NRF1: variants seen among roughly 807,000 people sequenced by gnomAD.
The protein encoded by NRF1 is alpha palindromic-binding protein.
Under a neutral mutation model 58.5 loss-of-function variants are expected in NRF1, and 5 were observed. That is an observed-to-expected ratio of 0.09 (90% CI 0.04 to 0.18). NRF1 has a LOEUF of 0.18. Ranked by LOEUF, NRF1 falls within the 10% of genes least tolerant of loss-of-function variation. The probability of loss-of-function intolerance (pLI) is 1.00; values close to 1 mark genes in which losing one functional copy is unlikely to be tolerated. For synonymous variants in NRF1, 224 were observed against 246.7 expected (o/e 0.91, Z 0.86); for missense variants, 288 against 657.7 (o/e 0.44, Z 6.15).
chr7:129,671,637 C>T lies in NRF1; in HGVS notation c.338+94C>T, dbSNP rs1345818608. On this transcript the variant is annotated intron_variant, in intron 3 of 10. Coordinates refer to ENST00000393232, the MANE Select transcript of NRF1 (RefSeq NM_005011.5). ...TATGTGATTAGGTTTGTCAAGGATGCTTGGTTCGATTCCTTGATGACAGAT... is the reference window on the plus strand; with the variant it reads ...TATGTGATTAGGTTTGTCAAGGATGTTTGGTTCGATTCCTTGATGACAGAT... 3.9e-5 allele frequency: 27 copies of T among 686,574 alleles called. No homozygotes were observed. In the East Asian group the frequency reaches 6.5e-4, roughly 17 times the overall value. The allele number at this position is 686,574 out of a possible 1,614,324, so 42.5% of individuals were successfully genotyped here.
intron 3 of NRF1, 123 bp from the exon 4 acceptor site, chr7:129,677,509 T>G: frequency 1.2e-6 from 1 of 855,580 alleles, no homozygotes; most frequent in Non-Finnish European, 1.8e-6. Flanking sequence ...ACATTCCCCT[T>G]TTCACATTTT....
intron 4 of NRF1, among the ~76,000 whole-genome samples, chr7:129,683,328 A>T (rs1247269302): frequency 2.0e-4 from 30 of 149,172 alleles, no homozygotes; most frequent in South Asian, 1.7e-3. Flanking sequence ...TGTGAGAGAG[A>T]GAGAGAGAGA....
At chr7:129,655,513 CT>C (rs1801633300) in intron 1 of NRF1, among the ~76,000 whole-genome samples, 1 of 103,246 alleles carries the variant, frequency 9.7e-6, no homozygotes, top group Admixed American at 9.6e-5. Context: ...TCCTTGTCTT[CT>C]TCCTGATCTT....
chr7:129,677,796 T>A, intron 4 of NRF1, 38 bp downstream of exon 4: 1 of 1,608,924 alleles, frequency 6.2e-7, no homozygotes, highest in Non-Finnish European at 8.5e-7. Flanking sequence ...TGCCCTTTGC[T>A]TTCTGTCGGC....
chr7:129,720,630 A>G (rs891700857), intron 9 of NRF1, among the ~76,000 whole-genome samples: 1 of 152,142 alleles, frequency 6.6e-6, no homozygotes, highest in Non-Finnish European at 1.5e-5. Flanking sequence ...AGGGAGAGGA[A>G]GCTACGTGCA....
In NRF1 at chr7:129,717,271, C is replaced by T; in HGVS notation, c.1118C>T (p.Thr373Met). The part of the protein sequence containing the change: ...LQGGEMTIQT[T>M]QASEATQAVA... Reference sequence around the variant, plus strand: ...GGAGGTGAGATGACCATCCAGACGACGCAAGCATCAGAGGCCACCCAGGCG... The same window carrying T: ...GGAGGTGAGATGACCATCCAGACGATGCAAGCATCAGAGGCCACCCAGGCG... Residue 373 changes from threonine (T) to methionine (M), a missense_variant, in exon 9 of 11, where the codon ACG becomes ATG. Physicochemically the swap from Thr to Met is moderately conservative, Grantham distance 81. Around this residue, in one of 3 missense-constraint regions of NRF1, gnomAD observed 212 missense variants for 559.7 expected, o/e 0.38. Coordinates refer to ENST00000393232, the MANE Select transcript of NRF1 (RefSeq NM_005011.5). 1.9e-6 allele frequency: 3 copies of T among 1,613,780 alleles called. No individual in the cohort carries two copies. Among genetic ancestry groups the T allele is most frequent in the Non-Finnish European group, 2.5e-6 (3 of 1,179,874 alleles).
intron 5 of NRF1, among the ~76,000 whole-genome samples, chr7:129,695,575 CAAAAAA>C (rs11398545): frequency 8.9e-5 from 11 of 123,964 alleles, no homozygotes; most frequent in African/African-American, 1.2e-4. Flanking sequence ...GACTCGATCT[CAAAAAA>C]AAAAAAACAA....
At chr7:129,688,655 G>A (rs933283664) in intron 4 of NRF1, among the ~76,000 whole-genome samples, 9 of 152,004 alleles carry the variant, frequency 5.9e-5, no homozygotes, top group Non-Finnish European at 1.2e-4. Flanking sequence ...GGCAGAAGGG[G>A]AAGCAAGGCA....
intron 1 of NRF1, among the ~76,000 whole-genome samples, chr7:129,637,873 G>T (rs6968168): frequency 0.19 from 27,485 of 145,468 alleles, 2,774 homozygotes; most frequent in East Asian, 0.47. Context: ...TTTATTTTTT[G>T]TTTTTTTTTT....
intron 5 of NRF1, among the ~76,000 whole-genome samples, chr7:129,695,722 A>T (rs1802677432): frequency 6.8e-6 from 1 of 147,632 alleles, no homozygotes. Context: ...GATTTATCTC[A>T]TTTTCTAAAA....
chr7:129,702,894 C>T (rs1398869218), intron 5 of NRF1, among the ~76,000 whole-genome samples: 1 of 152,078 alleles, frequency 6.6e-6, no homozygotes, highest in Non-Finnish European at 1.5e-5. Context: ...GCCTCAAAAT[C>T]CCTAGACTCA....
chr7:129,656,135 A>T (rs747311787), intron 1 of NRF1, among the ~76,000 whole-genome samples: 1 of 151,542 alleles, frequency 6.6e-6, no homozygotes. Context: ...TTTTTTGAGG[A>T]ACTAATATGT....
chr7:129,647,053 C>A (rs1009852325), intron 1 of NRF1, among the ~76,000 whole-genome samples: 2 of 151,986 alleles, frequency 1.3e-5, no homozygotes, highest in Non-Finnish European at 2.9e-5. Context: ...TTTTTTTCTT[C>A]GAGATGGAGT....
At chr7:129,684,296 G>A (rs997053678) in intron 4 of NRF1, among the ~76,000 whole-genome samples, 3 of 152,106 alleles carry the variant, frequency 2.0e-5, no homozygotes, top group Non-Finnish European at 4.4e-5. Context: ...AAACTAATAC[G>A]TAGCTTTAGA....
chr7:129,657,309 C>G (rs752449198), intron 1 of NRF1, 37 bp from the exon 2 acceptor site: 2 of 1,430,648 alleles, frequency 1.4e-6, no homozygotes, highest in Admixed American at 1.7e-5. Context: ...ATATTACACA[C>G]TGAATCCTGT....
chr7:129,704,356 G>A (rs1018137673), intron 5 of NRF1, among the ~76,000 whole-genome samples: 2 of 151,952 alleles, frequency 1.3e-5, no homozygotes, highest in African/African-American at 4.8e-5. Context: ...AATGATGAAT[G>A]TCTTAATGTA....
At chr7:129,665,630 T>G (rs1010982964) in intron 2 of NRF1, among the ~76,000 whole-genome samples, 10 of 152,202 alleles carry the variant, frequency 6.6e-5, no homozygotes, top group South Asian at 2.1e-4. Context: ...GTTGTTGTTG[T>G]TGGTTTTTTT....
chr7:129,625,067 G>A (rs1800883812), intron 1 of NRF1, among the ~76,000 whole-genome samples: 1 of 152,078 alleles, frequency 6.6e-6, no homozygotes, highest in Non-Finnish European at 1.5e-5. Context: ...GTGTTCACAG[G>A]GTGGCGCTCC....
At chr7:129,732,503 G>A (rs1803603964) in intron 10 of NRF1, among the ~76,000 whole-genome samples, 1 of 152,138 alleles carries the variant, frequency 6.6e-6, no homozygotes, top group Non-Finnish European at 1.5e-5. Context: ...TTTTAATATA[G>A]CTGACACTTT....
Sources: gnomAD v4.1 joint callset for allele counts (sites outside exome capture counted in the v4.1 genomes callset) on GRCh38, gnomAD v4.1.1 for gene constraint, gnomAD v4.1.1 regional missense constraint, MANE v1.5 for transcripts, NCBI Gene and HGNC (gene_info 2026-07-23, HGNC 2026-07-21) for gene names.